Variants in DYRK1A observed in about 807,000 individuals in gnomAD.
DYRK1A encodes dual specificity tyrosine-phosphorylation-regulated kinase 1A.
DYRK1A carries 9 observed loss-of-function variants against 79.7 expected under a neutral mutation model. The ratio of observed to expected loss-of-function variants is 0.11; its 90% CI spans 0.07 to 0.20. DYRK1A has a LOEUF of 0.20. Among genes scored for constraint, DYRK1A ranks in the 10% least tolerant of loss-of-function variants. DYRK1A has a pLI of 1.00. For synonymous variants in DYRK1A, 349 were observed against 329.7 expected, an observed-to-expected ratio of 1.06 and a Z score of -0.63; for missense variants, 622 against 956.0, an observed-to-expected ratio of 0.65 and a Z score of 4.61.
intron 2 of DYRK1A, among the ~76,000 whole-genome samples, chr21:37,443,784 C>T (rs118054521): frequency 2.6e-4 from 39 of 152,190 alleles, no homozygotes; most frequent in African/African-American, 8.0e-4. Flanking sequence ...CTTTCTCACA[C>T]GGTGGTCTTC....
At chr21:37,505,995 G>A (rs1457417318) in intron 10 of DYRK1A, 104 bp from the exon 11 acceptor site, 4 of 1,312,472 alleles carry the variant, frequency 3.0e-6, no homozygotes, top group Non-Finnish European at 4.1e-6. Flanking sequence ...TTGTATGTGT[G>A]TGTGTGAGTA....
At chr21:37,463,203 CGTGTGTGTGTGTGTGTGT>C (rs6147501) in intron 2 of DYRK1A, among the ~76,000 whole-genome samples, 1 of 145,252 alleles carries the variant, frequency 6.9e-6, no homozygotes, top group African/African-American at 2.6e-5. Flanking sequence ...AATGTTGGCA[CGTGTGTGTGTGTGTGTGT>C]GTGTGTGTGT....
chr21:37,501,114 A>G (rs1424012554), intron 9 of DYRK1A, among the ~76,000 whole-genome samples: 5 of 146,542 alleles, frequency 3.4e-5, no homozygotes, highest in Non-Finnish European at 7.5e-5. Flanking sequence ...CCCTCCAAGC[A>G]CTGCTTTAGC....
chr21:37,472,238 T>C (rs2052250167), intron 2 of DYRK1A, among the ~76,000 whole-genome samples: 1 of 152,262 alleles, frequency 6.6e-6, no homozygotes, highest in Non-Finnish European at 1.5e-5. Flanking sequence ...GTTTGGGGAA[T>C]GCTGGCGATG....
rs777221334 is a variant in DYRK1A at position 37,519,280 on chromosome 21, C to T, written c.*6749C>T. On this transcript the variant is annotated 3_prime_UTR_variant, in exon 12 of 12. Transcript: ENST00000647188. ...CAGCTCTGTATAGTAGTTACAGTTT[C>T]CCTCTCTAGAATCCCAAAGAGGTTC... 3.9e-5 allele frequency: 6 copies of T among 152,196 alleles called. No individual in the cohort carries two copies. The highest frequency in any genetic ancestry group is 5.9e-5 in the Non-Finnish European group (4 of 68,044). The allele number at this position is 152,196 out of a possible 1,614,324, so 9.4% of individuals were successfully genotyped here. A position where few individuals can be genotyped will look rare whatever the true frequency, so the allele number is the denominator to read the frequency against.
At chr21:37,491,312 A>G (rs2053085465) in intron 7 of DYRK1A, among the ~76,000 whole-genome samples, 1 of 152,158 alleles carries the variant, frequency 6.6e-6, no homozygotes, top group Admixed American at 6.5e-5. Context: ...CTCCTCTTGA[A>G]AGGAATTAGT....
At chr21:37,422,354 G>A (rs1223111594) in intron 2 of DYRK1A, among the ~76,000 whole-genome samples, 2 of 152,122 alleles carry the variant, frequency 1.3e-5, no homozygotes, top group Non-Finnish European at 2.9e-5. Flanking sequence ...GTTTGGTCTT[G>A]TATTACTATG....
intron 9 of DYRK1A, chr21:37,502,853 T>C (rs2053491210): frequency 6.6e-6 from 1 of 152,214 alleles, no homozygotes; most frequent in South Asian, 2.1e-4. Flanking sequence ...CTTTATTTTT[T>C]GGAAGATATT....
intron 2 of DYRK1A, among the ~76,000 whole-genome samples, chr21:37,441,904 A>G (rs1437626808): frequency 6.8e-6 from 1 of 146,900 alleles, no homozygotes; most frequent in Non-Finnish European, 1.5e-5. Context: ...TGTAGTGCGT[A>G]TTTACTAATG....
chr21:37,373,470 A>G (rs995377600), intron 1 of DYRK1A, among the ~76,000 whole-genome samples: 8 of 152,242 alleles, frequency 5.3e-5, no homozygotes, highest in Admixed American at 5.2e-4. Flanking sequence ...CTGACTAAAT[A>G]CAGTGGCTTA....
intron 9 of DYRK1A, among the ~76,000 whole-genome samples, chr21:37,498,668 T>C (rs947798131): frequency 1.3e-5 from 2 of 152,236 alleles, no homozygotes; most frequent in East Asian, 1.9e-4. Flanking sequence ...TTTATACATA[T>C]GTTTTCATCT....
chr21:37,481,657 A>G (rs1259017359), intron 5 of DYRK1A: 2 of 152,148 alleles, frequency 1.3e-5, no homozygotes, highest in East Asian at 1.9e-4. Context: ...TGGCCTCCCA[A>G]AGTGCTGGGA....
At chr21:37,366,150 C>T (rs529604688), upstream of DYRK1A, 1 of 151,562 alleles carries the variant, frequency 6.6e-6, no homozygotes, top group African/African-American at 2.4e-5. Context: ...CGCCGCGCTT[C>T]CCGGGGAGAG....
At chr21:37,491,928 C>T (rs2148617085) in intron 7 of DYRK1A, among the ~76,000 whole-genome samples, 1 of 152,264 alleles carries the variant, frequency 6.6e-6, no homozygotes, top group Admixed American at 6.5e-5. Context: ...CTAAAATAGA[C>T]CTGCAGTGGT....
intron 7 of DYRK1A, among the ~76,000 whole-genome samples, chr21:37,490,776 C>T (rs1255594256): frequency 2.0e-5 from 3 of 151,682 alleles, no homozygotes; most frequent in Non-Finnish European, 2.9e-5. Context: ...AGTCAAAAGA[C>T]ATTGATTTTT....
intron 2 of DYRK1A, among the ~76,000 whole-genome samples, chr21:37,450,414 C>T (rs1028594604): frequency 1.3e-5 from 2 of 152,134 alleles, no homozygotes; most frequent in Non-Finnish European, 2.9e-5. Context: ...ATTTTTATCA[C>T]GTTGTTAAGC....
chr21:37,369,043 TCAAA>T (rs924946289), intron 1 of DYRK1A, among the ~76,000 whole-genome samples: 4 of 152,260 alleles, frequency 2.6e-5, no homozygotes, highest in East Asian at 1.9e-4. Flanking sequence ...GTTTTGTACT[TCAAA>T]CAATTTTGAT....
intron 2 of DYRK1A, among the ~76,000 whole-genome samples, chr21:37,428,051 A>G (rs1256656382): frequency 3.3e-5 from 5 of 152,162 alleles, no homozygotes; most frequent in Admixed American, 1.3e-4. Context: ...ACTCTGGTAC[A>G]GGTACTGTGA....
At chr21:37,369,474 A>G (rs1029086419) in intron 1 of DYRK1A, among the ~76,000 whole-genome samples, 1 of 152,236 alleles carries the variant, frequency 6.6e-6, no homozygotes, top group African/African-American at 2.4e-5. Flanking sequence ...TCCCTGGTAT[A>G]GCAGTGGTGT....
Sources: allele counts gnomAD v4.1 joint callset (sites outside exome capture counted in the v4.1 genomes callset), GRCh38; gene constraint gnomAD v4.1.1; transcripts MANE v1.5; gene names NCBI Gene and HGNC (gene_info 2026-07-23, HGNC 2026-07-21).